The following TMC1 variants were observed in gnomAD, a reference collection of about 807,000 sequenced individuals.
The protein encoded by TMC1 is transmembrane channel-like protein 1.
In TMC1, 84 loss-of-function variants were observed where a neutral mutation model predicts 105.8. That is an observed-to-expected ratio of 0.79 (90% CI 0.67 to 0.95). The LOEUF is 0.95. Ranked by LOEUF, TMC1 falls within the 40% of genes least tolerant of loss-of-function variation. TMC1 has a pLI of 0.00. For missense variants in TMC1, 817 were observed against 914.1 expected, an observed-to-expected ratio of 0.89 and a Z score of 1.37; for synonymous variants, 315 against 311.5, an observed-to-expected ratio of 1.01 and a Z score of -0.12.
chr9:72,763,501 G>A (rs1170349892), intron 12 of TMC1, among the ~76,000 whole-genome samples: 1 of 152,196 alleles, frequency 6.6e-6, no homozygotes, highest in Non-Finnish European at 1.5e-5. Flanking sequence ...AGGAGCTAAA[G>A]GAAGGAGACA....
intron 1 of TMC1, among the ~76,000 whole-genome samples, chr9:72,550,707 G>A (rs1431276018): frequency 1.4e-5 from 2 of 144,452 alleles, no homozygotes; most frequent in Non-Finnish European, 3.0e-5. Flanking sequence ...CTGGGAAATT[G>A]AAATAGGGGG....
intron 13 of TMC1, among the ~76,000 whole-genome samples, chr9:72,779,202 A>G (rs1828053011): frequency 6.6e-6 from 1 of 152,368 alleles, no homozygotes; most frequent in African/African-American, 2.4e-5. Flanking sequence ...CCCTGAAATC[A>G]GCCAGAAATG....
intron 5 of TMC1, among the ~76,000 whole-genome samples, chr9:72,679,188 T>G (rs989570982): frequency 2.2e-4 from 33 of 152,100 alleles, no homozygotes; most frequent in African/African-American, 7.2e-4. Flanking sequence ...CACCGATCTT[T>G]TTATTGGGAC....
At chr9:72,762,550 T>G (rs1300261769) in intron 12 of TMC1, among the ~76,000 whole-genome samples, 2 of 152,248 alleles carry the variant, frequency 1.3e-5, no homozygotes, top group African/African-American at 4.8e-5. Context: ...CAGCAGAGGC[T>G]GAACTTCTAG....
intron 2 of TMC1, among the ~76,000 whole-genome samples, chr9:72,612,532 T>C (rs1354712451): frequency 6.6e-6 from 1 of 151,986 alleles, no homozygotes; most frequent in African/African-American, 2.4e-5. Context: ...CTGTGAGTTA[T>C]ACAATCTGTG....
intron 17 of TMC1, among the ~76,000 whole-genome samples, chr9:72,800,796 G>A (rs947995048): frequency 1.3e-5 from 2 of 152,068 alleles, no homozygotes; most frequent in African/African-American, 4.8e-5. Flanking sequence ...AGCGGGCCAA[G>A]GGAAAAGGGG....
Position 72,830,522 on chromosome 9 carries a change from T to A in TMC1, c.2201T>A (p.Met734Lys), listed in dbSNP as rs201945537. Residue 734 changes from methionine to lysine, a missense_variant, in exon 22 of 24, where the codon ATG becomes AAG. By Grantham distance (95) the Met-to-Lys change is moderately conservative. Transcript: ENST00000297784. ...KAANLDLKKK[M>K]KMQALENKMR... ...GCGAATCTGGATCTCAAAAAGAAGA[T>A]GAAAATGGTATGATACAATTTATTT... The A allele has an allele frequency of 1.4e-5, 22 of 1,612,988 alleles. No homozygotes were observed. Among genetic ancestry groups the A allele is most frequent in the Non-Finnish European group, 1.8e-5 (21 of 1,179,092 alleles).
chr9:72,760,016 A>C (rs1827731457), intron 12 of TMC1, among the ~76,000 whole-genome samples: 1 of 152,048 alleles, frequency 6.6e-6, no homozygotes, highest in Admixed American at 6.6e-5. Flanking sequence ...TAATCTTGTA[A>C]TTCCCAAATC....
At chr9:72,632,315 C>T (rs1264626332) in intron 4 of TMC1, among the ~76,000 whole-genome samples, 4 of 152,200 alleles carry the variant, frequency 2.6e-5, no homozygotes, top group Non-Finnish European at 5.9e-5. Flanking sequence ...AATCTGACCC[C>T]ATGACCCAAA....
intron 11 of TMC1, among the ~76,000 whole-genome samples, chr9:72,753,285 G>GCT (rs1827612691): frequency 2.9e-5 from 2 of 68,420 alleles, no homozygotes; most frequent in African/African-American, 1.8e-4. Flanking sequence ...ATTAACCCCA[G>GCT]CTTTTTTTTT....
chr9:72,755,012 T>TAAGA (rs1827650184), intron 12 of TMC1, 128 bp downstream of exon 12: 1 of 434,922 alleles, frequency 2.3e-6, no homozygotes, highest in South Asian at 1.7e-5. Flanking sequence ...CTGCTCCCTT[T>TAAGA]AAGAAAGAAA....
intron 8 of TMC1, among the ~76,000 whole-genome samples, chr9:72,729,620 T>C (rs924795428): frequency 1.3e-5 from 2 of 152,152 alleles, no homozygotes; most frequent in African/African-American, 4.8e-5. Context: ...TAGGCCAACA[T>C]GCTAAATTTA....
At position 72,573,420 on chromosome 9, in the gene TMC1, C is replaced by T. The variant is rs970021273; in HGVS notation, c.-427-4482C>T. 6.6e-5 allele frequency among the ~76,000 whole-genome samples: 10 copies of T among 152,306 alleles called. No individual in the cohort carries two copies. In the East Asian group the frequency reaches 1.9e-3, roughly 29 times the overall value. ...AATGCACAGCCTCAAAATCCACCAC[C>T]CACTAAAGACCTCACAGTACATGAT... On this transcript the variant is annotated intron_variant, in intron 1 of 23. Coordinates refer to ENST00000297784, the MANE Select transcript of TMC1 (RefSeq NM_138691.3).
chr9:72,706,173 T>C (rs929890305), intron 8 of TMC1, among the ~76,000 whole-genome samples: 3 of 152,154 alleles, frequency 2.0e-5, no homozygotes, highest in Admixed American at 2.0e-4. Context: ...TGGGAAAACT[T>C]TGGGAAAACT....
chr9:72,689,176 A>G (rs1259371929), intron 6 of TMC1, among the ~76,000 whole-genome samples: 2 of 152,156 alleles, frequency 1.3e-5, no homozygotes, highest in East Asian at 1.9e-4. Context: ...ATGTTTACAT[A>G]GAGTGGGGAA....
At chr9:72,733,412 C>T (rs779743405) in intron 8 of TMC1, among the ~76,000 whole-genome samples, 1 of 151,976 alleles carries the variant, frequency 6.6e-6, no homozygotes, top group Admixed American at 6.6e-5. Context: ...CTAACAAGAA[C>T]AATTCCCACT....
At chr9:72,740,026 G>C (rs1437549659) in intron 8 of TMC1, 93 bp from the exon 9 acceptor site, 4 of 950,666 alleles carry the variant, frequency 4.2e-6, no homozygotes, top group African/African-American at 1.6e-5. Context: ...AAATAAGACT[G>C]CAGACCTGGT....
intron 13 of TMC1, among the ~76,000 whole-genome samples, chr9:72,779,863 T>C (rs1050804979): frequency 1.3e-5 from 2 of 152,138 alleles, no homozygotes; most frequent in Non-Finnish European, 2.9e-5. Flanking sequence ...TATGAAAATT[T>C]CCCCATCCTC....
intron 5 of TMC1, among the ~76,000 whole-genome samples, chr9:72,674,672 A>C (rs1826173822): frequency 6.6e-6 from 1 of 152,226 alleles, no homozygotes; most frequent in Non-Finnish European, 1.5e-5. Context: ...CAAGCTCTCC[A>C]GGTGATAATG....
Sources: allele counts gnomAD v4.1 joint callset (sites outside exome capture counted in the v4.1 genomes callset), GRCh38; gene constraint gnomAD v4.1.1; transcripts MANE v1.5; gene names NCBI Gene and HGNC (gene_info 2026-07-23, HGNC 2026-07-21).